Variants in ANO3 observed in about 807,000 individuals in gnomAD.
ANO3 encodes the protein anoctamin-3.
ANO3 carries 99 observed loss-of-function variants against 144.8 expected under a neutral mutation model. The ratio of observed to expected loss-of-function variants is 0.68; its 90% CI spans 0.58 to 0.81. The LOEUF (loss-of-function observed/expected upper bound fraction) is 0.81, where lower values mean the gene tolerates loss of function less well. Ranked by LOEUF, ANO3 falls within the 30% of genes least tolerant of loss-of-function variation. ANO3 has a pLI of 0.00. For missense variants in ANO3, 905 were observed against 1,202.2 expected, an observed-to-expected ratio of 0.75 and a Z score of 3.66; for synonymous variants, 414 against 392.6, an observed-to-expected ratio of 1.05 and a Z score of -0.64.
At chr11:26,313,002 G>A (rs1002371671) in intron 1 of ANO3, among the ~76,000 whole-genome samples, 4 of 152,148 alleles carry the variant, frequency 2.6e-5, no homozygotes, top group African/African-American at 9.7e-5. Context: ...CAGAGAGAGT[G>A]TACTTTAATC....
chr11:26,656,842 A>G (rs1488320600), intron 26 of ANO3, among the ~76,000 whole-genome samples: 1 of 152,118 alleles, frequency 6.6e-6, no homozygotes, highest in Non-Finnish European at 1.5e-5. Context: ...GATGGAAAAA[A>G]CTGATTTTCT....
chr11:26,534,643 G>T lies in ANO3; in HGVS notation c.976+81G>T. 3.2e-6 allele frequency: 3 copies of T among 947,242 alleles called. No homozygotes were observed. In the South Asian group the frequency reaches 4.5e-5, roughly 14 times the overall value. The allele number at this position is 947,242 out of a possible 1,614,324, so 58.7% of individuals were successfully genotyped here. A position where few individuals can be genotyped will look rare whatever the true frequency, so the allele number is the denominator to read the frequency against. ...ATTATTGTTTTTTTTAACAGCTGTAGCTTTGCTTTAATTCATTAAATAGAT... is the reference window on the plus strand; with the variant it reads ...ATTATTGTTTTTTTTAACAGCTGTATCTTTGCTTTAATTCATTAAATAGAT... On this transcript the variant is annotated intron_variant, in intron 9 of 26. Coordinates refer to ENST00000256737, the MANE Select transcript of ANO3 (RefSeq NM_031418.4).
intron 14 of ANO3, among the ~76,000 whole-genome samples, chr11:26,579,731 T>C (rs1851080813): frequency 6.6e-6 from 1 of 152,132 alleles, no homozygotes; most frequent in Non-Finnish European, 1.5e-5. Flanking sequence ...GGATCTTTTT[T>C]TTCATGAAAA....
At chr11:26,629,318 T>C (rs1309524932) in intron 18 of ANO3, among the ~76,000 whole-genome samples, 1 of 152,192 alleles carries the variant, frequency 6.6e-6, no homozygotes, top group Non-Finnish European at 1.5e-5. Flanking sequence ...GAAACCTTTG[T>C]TGACTTCTCA....
intron 1 of ANO3, among the ~76,000 whole-genome samples, chr11:26,371,788 C>T (rs1856266036): frequency 6.6e-6 from 1 of 152,130 alleles, no homozygotes; most frequent in African/African-American, 2.4e-5. Flanking sequence ...TTTGTTTTGG[C>T]CAATTTCTCT....
intron 1 of ANO3, among the ~76,000 whole-genome samples, chr11:26,197,201 G>C (rs1321631581): frequency 6.6e-6 from 1 of 152,108 alleles, no homozygotes; most frequent in Admixed American, 6.6e-5. Context: ...GTAGAAGTCA[G>C]TATCAGTACC....
intron 4 of ANO3, among the ~76,000 whole-genome samples, chr11:26,476,366 T>G (rs1859969408): frequency 6.6e-6 from 1 of 151,890 alleles, no homozygotes. Flanking sequence ...AGATGAGAAG[T>G]CAACAGAGGG....
intron 1 of ANO3, among the ~76,000 whole-genome samples, chr11:26,199,015 G>A (rs1262928845): frequency 6.6e-6 from 1 of 152,134 alleles, no homozygotes; most frequent in Non-Finnish European, 1.5e-5. Flanking sequence ...GTCAAATGTG[G>A]ATAGAAAAGC....
At chr11:26,239,161 C>G (rs1015007878) in intron 1 of ANO3, among the ~76,000 whole-genome samples, 1 of 151,502 alleles carries the variant, frequency 6.6e-6, no homozygotes, top group Non-Finnish European at 1.5e-5. Context: ...TTTATAAATG[C>G]AGACACATTA....
intron 14 of ANO3, among the ~76,000 whole-genome samples, chr11:26,573,051 G>A (rs927635729): frequency 3.9e-5 from 6 of 152,216 alleles, no homozygotes; most frequent in Non-Finnish European, 8.8e-5. Context: ...GGGATCTTCC[G>A]CACATCAGCG....
At chr11:26,382,099 T>C (rs1267961786) in intron 1 of ANO3, among the ~76,000 whole-genome samples, 1 of 152,106 alleles carries the variant, frequency 6.6e-6, no homozygotes, top group Non-Finnish European at 1.5e-5. Context: ...AATCTATCTA[T>C]TAATAAATAG....
intron 8 of ANO3, 137 bp downstream of exon 8, chr11:26,531,473 T>A: frequency 9.8e-7 from 1 of 1,020,278 alleles, no homozygotes; most frequent in Non-Finnish European, 1.4e-6. Context: ...AATACACACT[T>A]AACTTATAAA....
At chr11:26,229,190 C>A (rs1852331726) in intron 1 of ANO3, among the ~76,000 whole-genome samples, 1 of 152,122 alleles carries the variant, frequency 6.6e-6, no homozygotes, top group East Asian at 1.9e-4. Context: ...CATTAACTTC[C>A]TTCTGCCAAG....
At chr11:26,544,697 T>G (rs1164347146) in intron 11 of ANO3, among the ~76,000 whole-genome samples, 1 of 136,072 alleles carries the variant, frequency 7.3e-6, no homozygotes, top group Non-Finnish European at 1.6e-5. Flanking sequence ...ACACATGCAA[T>G]AAATATGTAC....
intron 20 of ANO3, among the ~76,000 whole-genome samples, chr11:26,638,818 C>A (rs1016151759): frequency 2.6e-5 from 4 of 152,084 alleles, no homozygotes; most frequent in African/African-American, 9.7e-5. Flanking sequence ...TTTTCTATTA[C>A]CTGATTGTTA....
chr11:26,448,035 C>T (rs745635493), intron 3 of ANO3, among the ~76,000 whole-genome samples: 28 of 152,200 alleles, frequency 1.8e-4, no homozygotes, highest in Non-Finnish European at 2.9e-4. Context: ...TGCAGTGGCT[C>T]ATGCCTGTAA....
At chr11:26,444,824 T>C (rs1218177971) in intron 3 of ANO3, among the ~76,000 whole-genome samples, 1 of 152,192 alleles carries the variant, frequency 6.6e-6, no homozygotes, top group Non-Finnish European at 1.5e-5. Flanking sequence ...TCACATTTCT[T>C]ATAATAATTT....
chr11:26,619,686 C>G (rs905641863), intron 17 of ANO3, among the ~76,000 whole-genome samples: 2 of 152,082 alleles, frequency 1.3e-5, no homozygotes, highest in Non-Finnish European at 2.9e-5. Flanking sequence ...TGGCTGGTCT[C>G]AAACTCCTGA....
chr11:26,336,379 A>G (rs945935145), intron 1 of ANO3, among the ~76,000 whole-genome samples: 1 of 152,246 alleles, frequency 6.6e-6, no homozygotes, highest in African/African-American at 2.4e-5. Context: ...TCATTATCCT[A>G]AAGGACATTT....
Sources: gnomAD v4.1 joint callset for allele counts (sites outside exome capture counted in the v4.1 genomes callset) on GRCh38, gnomAD v4.1.1 for gene constraint, MANE v1.5 for transcripts, NCBI Gene and HGNC (gene_info 2026-07-23, HGNC 2026-07-21) for gene names.